Variants in NR4A1 observed in about 807,000 individuals in gnomAD.
The protein encoded by NR4A1 is nuclear receptor subfamily 4 group A member 1.
In NR4A1, 24 loss-of-function variants were observed where a neutral mutation model predicts 47.5. The ratio of observed to expected loss-of-function variants is 0.50; its 90% confidence interval spans 0.37 to 0.71. The LOEUF (loss-of-function observed/expected upper bound fraction) is 0.71, where lower values mean the gene tolerates loss of function less well. NR4A1 is among the 30% of genes least tolerant of loss of function. The probability of loss-of-function intolerance (pLI) is 0.00; values close to 1 mark genes in which losing one functional copy is unlikely to be tolerated. For missense variants in NR4A1, 669 were observed against 788.6 expected, an observed-to-expected ratio of 0.85 and a Z score of 1.82; for synonymous variants, 353 against 345.7, an observed-to-expected ratio of 1.02 and a Z score of -0.24.
chr12:52,050,627 C>T (rs142602125), upstream of NR4A1, among the ~76,000 whole-genome samples: 3 of 152,332 alleles, frequency 2.0e-5, no homozygotes, highest in Non-Finnish European at 4.4e-5. Context: ...GGAGCGGAGC[C>T]AGAGCTGTTG....
chr12:52,047,054 C>T (rs1160724731), upstream of NR4A1, among the ~76,000 whole-genome samples: 2 of 151,942 alleles, frequency 1.3e-5, no homozygotes, highest in African/African-American at 4.8e-5. Flanking sequence ...GGGGCTGTCT[C>T]GTCTCCATCG....
intron 1 of NR4A1, chr12:52,037,338 C>G (rs981647839): frequency 3.0e-6 from 3 of 984,114 alleles, no homozygotes; most frequent in Non-Finnish European, 3.6e-6. Flanking sequence ...CCGGGACCCC[C>G]GGCCTCCAGG....
At chr12:52,049,588 C>T (rs1938817561), upstream of NR4A1, among the ~76,000 whole-genome samples, 1 of 152,202 alleles carries the variant, frequency 6.6e-6, no homozygotes, top group Admixed American at 6.5e-5. Context: ...CTGGGAGGTC[C>T]AGGCTGCAGT....
At chr12:52,041,347 C>T (rs1374604454) in intron 1 of NR4A1, among the ~76,000 whole-genome samples, 2 of 152,142 alleles carry the variant, frequency 1.3e-5, no homozygotes, top group Admixed American at 6.5e-5. Flanking sequence ...ATCCCACATC[C>T]ACTCTACTCT....
At chr12:52,058,432 T>C in intron 6 of NR4A1, 1 of 517,764 alleles carries the variant, frequency 1.9e-6, no homozygotes, top group Non-Finnish European at 3.4e-6. Context: ...AGGATTTTAT[T>C]TCCCGTTTGT....
chr12:52,053,015 T>G (rs1322890708), intron 1 of NR4A1, among the ~76,000 whole-genome samples: 1 of 152,156 alleles, frequency 6.6e-6, no homozygotes, highest in East Asian at 1.9e-4. Context: ...GAGGACTTCC[T>G]GGGCTCTTGG....
At chr12:52,030,797 G>GAAGACTCA (rs1938107655) in intron 1 of NR4A1, among the ~76,000 whole-genome samples, 1 of 152,196 alleles carries the variant, frequency 6.6e-6, no homozygotes, top group Non-Finnish European at 1.5e-5. Flanking sequence ...GCTGCTGAAA[G>GAAGACTCA]AAGAGACAAA....
intron 1 of NR4A1, among the ~76,000 whole-genome samples, chr12:52,033,514 G>C (rs552785790): frequency 6.6e-6 from 1 of 152,340 alleles, no homozygotes; most frequent in African/African-American, 2.4e-5. Context: ...ATTAATTCCA[G>C]CTCTGCCATT....
chr12:52,037,327 C>G (rs1565641018), intron 1 of NR4A1: 2 of 980,636 alleles, frequency 2.0e-6, no homozygotes, highest in African/African-American at 3.5e-5. Context: ...CCTCGCGGCG[C>G]CCGGGACCCC....
At chr12:52,055,409 C>T in intron 2 of NR4A1, 1 of 657,694 alleles carries the variant, frequency 1.5e-6, no homozygotes, top group Non-Finnish European at 2.6e-6. Context: ...ACACTCGGGC[C>T]CATGGGATTG....
intron 1 of NR4A1, among the ~76,000 whole-genome samples, chr12:52,023,218 A>T (rs2120888041): frequency 1.3e-5 from 2 of 152,316 alleles, no homozygotes; most frequent in Admixed American, 1.3e-4. Context: ...CTGGCCTTCA[A>T]GGCCTGGGCT....
upstream of NR4A1, among the ~76,000 whole-genome samples, chr12:52,047,711 G>A (rs753112652): frequency 6.6e-6 from 1 of 152,204 alleles, no homozygotes; most frequent in Non-Finnish European, 1.5e-5. Flanking sequence ...TCAGACCAGG[G>A]ACCTGGACAG....
chr12:52,039,347 T>TGGGCA (rs1938354746), intron 1 of NR4A1, among the ~76,000 whole-genome samples: 1 of 152,192 alleles, frequency 6.6e-6, no homozygotes, highest in African/African-American at 2.4e-5. Context: ...CTGTCAGCGG[T>TGGGCA]GTCCTGTTGC....
At chr12:52,054,147 G>A (rs1939118203) in intron 1 of NR4A1, 180 bp from the exon 2 acceptor site, 2 of 597,142 alleles carry the variant, frequency 3.3e-6, no homozygotes, top group Admixed American at 3.1e-5. Context: ...CACCTAGGTC[G>A]AGATGGTACT....
At chr12:52,041,917 T>C in exon 2 of NR4A1, 2 of 1,487,808 alleles carry the variant, frequency 1.3e-6, no homozygotes, top group Non-Finnish European at 1.8e-6. Context: ...GGCCTGTTGG[T>C]CCATCCAGAG....
intron 6 of NR4A1, 115 bp from the exon 7 acceptor site, chr12:52,058,573 G>T (rs1882121): frequency 1.5e-6 from 2 of 1,349,126 alleles, no homozygotes; most frequent in Non-Finnish European, 2.0e-6. Context: ...CTTTTGTGAA[G>T]TGCCAGCAGA....
At chr12:52,056,889 G>T in intron 4 of NR4A1, 168 bp from the exon 5 acceptor site, 1 of 812,522 alleles carries the variant, frequency 1.2e-6, no homozygotes. Flanking sequence ...CCTTTTGGCA[G>T]CTGCAGCCCT....
upstream of NR4A1, among the ~76,000 whole-genome samples, chr12:52,050,870 C>G (rs1451043470): frequency 6.6e-6 from 1 of 152,288 alleles, no homozygotes; most frequent in Admixed American, 6.5e-5. Flanking sequence ...GTCCTGACCG[C>G]CCAGCAGCGG....
intron 1 of NR4A1, among the ~76,000 whole-genome samples, chr12:52,039,063 G>A (rs959807639): frequency 6.6e-6 from 1 of 152,226 alleles, no homozygotes. Flanking sequence ...ATTCCTAGCT[G>A]TGTGACCTTG....
Sources: allele counts gnomAD v4.1 joint callset (sites outside exome capture counted in the v4.1 genomes callset), GRCh38; gene constraint gnomAD v4.1.1; transcripts MANE v1.5; gene names NCBI Gene and HGNC (gene_info 2026-07-23, HGNC 2026-07-21).